The following CSMD1 variants were observed in gnomAD, a reference collection of about 807,000 sequenced individuals.
CSMD1 encodes CUB and sushi domain-containing protein 1.
A neutral mutation model predicts 417.5 loss-of-function variants in CSMD1; 213 were observed. That is an observed-to-expected ratio of 0.51 (90% CI 0.46 to 0.57). The LOEUF (loss-of-function observed/expected upper bound fraction) is 0.57. Ranked by LOEUF, CSMD1 falls within the 20% of genes least tolerant of loss-of-function variation. The pLI, the probability that CSMD1 is intolerant of heterozygous loss-of-function variation, is 0.00. For synonymous variants in CSMD1, 2,862 were observed against 1,736.8 expected (o/e 1.65, Z -16.11); for missense variants, 6,923 against 4,529.7 (o/e 1.53, Z -15.17).
intron 41 of CSMD1, among the ~76,000 whole-genome samples, chr8:3,121,879 G>C (rs1817232168): frequency 6.6e-6 from 1 of 152,070 alleles, no homozygotes; most frequent in Non-Finnish European, 1.5e-5. Flanking sequence ...TGAATATCAA[G>C]TAATTTATAT....
chr8:4,990,319 A>C (rs185364618), intron 1 of CSMD1, among the ~76,000 whole-genome samples: 1 of 152,150 alleles, frequency 6.6e-6, no homozygotes, highest in Admixed American at 6.5e-5. Context: ...GGAAAAAAAC[A>C]TGATCTGCTC....
At chr8:3,981,457 G>T (rs1438450543) in intron 5 of CSMD1, among the ~76,000 whole-genome samples, 1 of 131,646 alleles carries the variant, frequency 7.6e-6, no homozygotes, top group African/African-American at 2.8e-5. Context: ...ACTTACTCAT[G>T]TATCCAAATA....
chr8:4,551,642 G>A (rs1260584257), intron 2 of CSMD1, among the ~76,000 whole-genome samples: 3 of 151,998 alleles, frequency 2.0e-5, no homozygotes, highest in Non-Finnish European at 1.5e-5. Flanking sequence ...ACAGGACAAT[G>A]TTGGTCCCAA....
At chr8:3,920,602 A>G (rs1809173025) in intron 5 of CSMD1, among the ~76,000 whole-genome samples, 1 of 152,084 alleles carries the variant, frequency 6.6e-6, no homozygotes, top group Non-Finnish European at 1.5e-5. Flanking sequence ...TATGTACATT[A>G]GTTATGGGCT....
intron 5 of CSMD1, among the ~76,000 whole-genome samples, chr8:3,954,008 T>A (rs1044064025): frequency 1.3e-5 from 2 of 152,138 alleles, no homozygotes; most frequent in African/African-American, 4.8e-5. Context: ...CCTCCAGGTC[T>A]CAGCGCCACC....
intron 5 of CSMD1, among the ~76,000 whole-genome samples, chr8:3,772,195 C>T (rs200066874): frequency 0.89 from 100,501 of 112,724 alleles, 45,504 homozygotes; most frequent in Non-Finnish European, 0.96. Context: ...TATATACACA[C>T]ACACACACAC....
chr8:3,342,399 A>G (rs750021077), intron 23 of CSMD1, among the ~76,000 whole-genome samples: 1 of 152,154 alleles, frequency 6.6e-6, no homozygotes, highest in Non-Finnish European at 1.5e-5. Context: ...TTAAATTTCT[A>G]ATGTCATGGT....
At chr8:4,783,178 A>C (rs1797237508) in intron 1 of CSMD1, among the ~76,000 whole-genome samples, 1 of 152,246 alleles carries the variant, frequency 6.6e-6, no homozygotes. Flanking sequence ...TTTTGTAGAT[A>C]GTTGAAATAC....
chr8:3,158,383 G>C (rs1819667719), intron 38 of CSMD1, among the ~76,000 whole-genome samples: 1 of 152,056 alleles, frequency 6.6e-6, no homozygotes, highest in Admixed American at 6.6e-5. Flanking sequence ...GCAATACAAA[G>C]TCTGCTTATG....
intron 1 of CSMD1, among the ~76,000 whole-genome samples, chr8:4,759,879 G>A (rs1459661984): frequency 6.6e-6 from 1 of 152,196 alleles, no homozygotes; most frequent in Non-Finnish European, 1.5e-5. Flanking sequence ...ATATAGGCAT[G>A]CATGTGTATT....
chr8:3,928,991 T>C (rs1467783868), intron 5 of CSMD1, among the ~76,000 whole-genome samples: 1 of 150,588 alleles, frequency 6.6e-6, no homozygotes, highest in Non-Finnish European at 1.5e-5. Context: ...TGTCATTGTA[T>C]AAGAAATCTT....
At chr8:4,800,107 T>C (rs1259887699) in intron 1 of CSMD1, among the ~76,000 whole-genome samples, 1 of 152,184 alleles carries the variant, frequency 6.6e-6, no homozygotes, top group Admixed American at 6.5e-5. Context: ...ATATAAAGCG[T>C]ATCCTTTTTG....
At chr8:4,209,189 G>C (rs918525404) in intron 3 of CSMD1, among the ~76,000 whole-genome samples, 1 of 152,116 alleles carries the variant, frequency 6.6e-6, no homozygotes, top group African/African-American at 2.4e-5. Flanking sequence ...GATGTAGGTG[G>C]CTTTATCGCT....
At chr8:4,288,619 G>C (rs75963450) in intron 3 of CSMD1, among the ~76,000 whole-genome samples, 3 of 152,280 alleles carry the variant, frequency 2.0e-5, no homozygotes, top group South Asian at 2.1e-4. Flanking sequence ...CTGGGTTCAA[G>C]GTGAAGGATG....
At chr8:3,217,272 C>G (rs886995011) in intron 29 of CSMD1, among the ~76,000 whole-genome samples, 1 of 152,248 alleles carries the variant, frequency 6.6e-6, no homozygotes. Context: ...TTATTTTTCA[C>G]AGACTCCACT....
At chr8:4,453,453 G>T (rs746762824) in intron 2 of CSMD1, among the ~76,000 whole-genome samples, 2 of 152,164 alleles carry the variant, frequency 1.3e-5, no homozygotes, top group African/African-American at 4.8e-5. Context: ...TGGTGCAGCA[G>T]CAAGAACGGT....
rs1554552766 is a variant in CSMD1 at position 3,439,309 on chromosome 8, A to ATTTTTTT, written c.1561+29396_1561+29402dup. ...TATATATATATATATATATATATAT[A>ATTTTTTT]TTTTTTTTTTTAATATGTATTTTTA... On this transcript the variant is annotated intron_variant, in intron 12 of 69. Transcript: ENST00000635120. Among the ~76,000 whole-genome samples the ATTTTTTT allele has an allele frequency of 1.4e-3, 85 of 62,284 alleles. 1 individual carries two copies. Among genetic ancestry groups the ATTTTTTT allele is most frequent in the South Asian group, 3.8e-3 (5 of 1,322 alleles). The allele number at this position is 62,284 out of a possible 152,430, so 40.9% of individuals were successfully genotyped here.
intron 8 of CSMD1, among the ~76,000 whole-genome samples, chr8:3,607,179 A>C (rs1318627157): frequency 4.6e-5 from 7 of 152,186 alleles, no homozygotes; most frequent in Non-Finnish European, 1.0e-4. Context: ...CTAAAACATG[A>C]ACAAGCGCAC....
chr8:4,512,579 T>C (rs1802880255), intron 2 of CSMD1, among the ~76,000 whole-genome samples: 1 of 152,164 alleles, frequency 6.6e-6, no homozygotes, highest in Non-Finnish European at 1.5e-5. Flanking sequence ...TAAGCAATTA[T>C]AGCAGGGTTG....
Sources: gnomAD v4.1 joint callset for allele counts (sites outside exome capture counted in the v4.1 genomes callset) on GRCh38, gnomAD v4.1.1 for gene constraint, MANE v1.5 for transcripts, NCBI Gene and HGNC (gene_info 2026-07-23, HGNC 2026-07-21) for gene names.